Variants in SLC23A2 observed in about 807,000 individuals in gnomAD.
SLC23A2 encodes Na(+)/L-ascorbic acid transporter 2.
A neutral mutation model predicts 73.3 loss-of-function variants in SLC23A2; 36 were observed. That is an observed-to-expected ratio of 0.49 (90% CI 0.38 to 0.65). The LOEUF is 0.65. Among genes scored for constraint, SLC23A2 ranks in the 30% least tolerant of loss-of-function variants. The pLI is 0.00. For missense variants in SLC23A2, 507 were observed against 841.6 expected (o/e 0.60, Z 4.92); for synonymous variants, 343 against 327.3 (o/e 1.05, Z -0.52).
Position 4,899,568 on chromosome 20 carries a change from T to C in SLC23A2, c.469A>G (p.Thr157Ala), listed in dbSNP as rs750277300. 6 of 1,613,976 alleles carry C rather than the reference T, an allele frequency of 3.7e-6. No individual in the cohort carries two copies. In the African/African-American group the frequency reaches 8.0e-5, roughly 22 times the overall value. ...CVGITTLLQTTFGCRLPLFQA... is the reference protein window; with the variant it reads ...CVGITTLLQTAFGCRLPLFQA... ...CCCCAATCTCACCTGCATCCAAACG[T>C]TGTCTGTAGCAAAGTAGTGATTCCC... Residue 157 changes from threonine to alanine, a missense_variant, in exon 6 of 17, where the codon ACG becomes GCG. This residue lies in a region of SLC23A2 where 217 missense variants were observed against 398.0 expected (regional missense o/e 0.55). Coordinates refer to ENST00000338244, the MANE Select transcript of SLC23A2 (RefSeq NM_005116.6). The surrounding 1 kb of genome is among the most constrained non-coding windows in gnomAD (Gnocchi z 4.9).
intron 2 of SLC23A2, among the ~76,000 whole-genome samples, chr20:4,935,969 G>A (rs866888467): frequency 2.6e-5 from 4 of 151,916 alleles, no homozygotes; most frequent in South Asian, 4.2e-4. Flanking sequence ...TATGTCCTTC[G>A]CCTATTTTCT....
rs1185064868 is a variant in SLC23A2 at position 4,905,975 on chromosome 20, A to G, written c.208-3417T>C. Among the ~76,000 whole-genome samples, 3 of 152,054 alleles carry G rather than the reference A, an allele frequency of 2.0e-5. No homozygotes were observed. In the East Asian group the frequency reaches 5.8e-4, roughly 29 times the overall value. On this transcript the variant is annotated intron_variant, in intron 4 of 16. Transcript: ENST00000338244. ...AGTAGCATGTATTATTCTCTTGTAC[A>G]TTTCTCCTTTTTACTATACTAATGT...
At chr20:4,867,101 T>C (rs1411410674) in intron 13 of SLC23A2, among the ~76,000 whole-genome samples, 1 of 130,780 alleles carries the variant, frequency 7.6e-6, no homozygotes, top group African/African-American at 2.9e-5. Flanking sequence ...AGCTGCTCCC[T>C]GCAGCACTCC....
At chr20:4,973,849 CA>C (rs1244118035) in intron 1 of SLC23A2, among the ~76,000 whole-genome samples, 1 of 152,190 alleles carries the variant, frequency 6.6e-6, no homozygotes, top group Non-Finnish European at 1.5e-5. Flanking sequence ...AATCTGTTCA[CA>C]GTGCTTCTGT....
intron 3 of SLC23A2, among the ~76,000 whole-genome samples, chr20:4,923,216 G>A (rs537070711): frequency 1.4e-5 from 2 of 144,612 alleles, no homozygotes; most frequent in Non-Finnish European, 3.0e-5. Flanking sequence ...AGACCAGCCT[G>A]GGCAATGTAG....
chr20:4,946,940 T>A (rs1221334070), intron 2 of SLC23A2, among the ~76,000 whole-genome samples: 1 of 152,216 alleles, frequency 6.6e-6, no homozygotes, highest in Non-Finnish European at 1.5e-5. Context: ...GTACCTGGTA[T>A]CTTTCAGCAG....
At chr20:4,966,512 G>C (rs1461614094) in intron 2 of SLC23A2, among the ~76,000 whole-genome samples, 1 of 151,936 alleles carries the variant, frequency 6.6e-6, no homozygotes, top group East Asian at 1.9e-4. Context: ...AGACTTCAAA[G>C]GGTTGCTATG....
At chr20:4,858,387 A>C (rs1929821084) in intron 16 of SLC23A2, among the ~76,000 whole-genome samples, 1 of 152,084 alleles carries the variant, frequency 6.6e-6, no homozygotes, top group Non-Finnish European at 1.5e-5. Context: ...CATCAGCCTG[A>C]CTGTTGCATC....
chr20:4,909,978 G>A (rs1028589494), intron 4 of SLC23A2, among the ~76,000 whole-genome samples: 1 of 152,182 alleles, frequency 6.6e-6, no homozygotes, highest in African/African-American at 2.4e-5. Context: ...GCAGCAAAAG[G>A]CCCAGTGGCA....
At chr20:4,958,728 G>A (rs2087332203) in intron 2 of SLC23A2, among the ~76,000 whole-genome samples, 1 of 151,754 alleles carries the variant, frequency 6.6e-6, no homozygotes, top group South Asian at 2.1e-4. Flanking sequence ...GCGCCTGGCT[G>A]AGTAGCTGCA....
At chr20:4,873,286 G>A (rs1891649) in intron 11 of SLC23A2, among the ~76,000 whole-genome samples, 39,539 of 151,992 alleles carry the variant, frequency 0.26, 5,323 homozygotes, top group Middle Eastern at 0.3. Flanking sequence ...AAACCCAGAC[G>A]CCGGGACTAG....
chr20:4,921,027 G>A (rs1932486278), intron 3 of SLC23A2, among the ~76,000 whole-genome samples: 1 of 152,196 alleles, frequency 6.6e-6, no homozygotes, highest in South Asian at 2.1e-4. Flanking sequence ...TGGCTTCACT[G>A]AAACTCAAAA....
In SLC23A2 at chr20:4,938,783, C is replaced by G. The variant is rs144786168; in HGVS notation, c.-154-6067G>C. 3.7e-3 allele frequency among the ~76,000 whole-genome samples: 563 copies of G among 152,300 alleles called. 3 individuals carry two copies. The highest frequency in any genetic ancestry group is 0.013 in the African/African-American group (541 of 41,566). ...ATGGGGCCTATCCAGGCCCCCTTTC[C>G]CAGTCCCTCATGGCCCCTACTGTGG... On this transcript the variant is annotated intron_variant, in intron 2 of 16. Coordinates refer to ENST00000338244, the MANE Select transcript of SLC23A2 (RefSeq NM_005116.6).
At chr20:4,910,526 G>T (rs1264815272) in intron 4 of SLC23A2, among the ~76,000 whole-genome samples, 1 of 152,092 alleles carries the variant, frequency 6.6e-6, no homozygotes, top group Admixed American at 6.5e-5. Context: ...TGCCTCCTGG[G>T]TTCAGGTGAT....
At chr20:4,966,809 T>TACACACACACACAC (rs56931121) in intron 2 of SLC23A2, among the ~76,000 whole-genome samples, 1 of 109,754 alleles carries the variant, frequency 9.1e-6, no homozygotes, top group African/African-American at 3.1e-5. Context: ...TTGATAGTTT[T>TACACACACACACAC]ACACACACAC....
At chr20:4,984,986 A>G (rs2122290426) in intron 1 of SLC23A2, among the ~76,000 whole-genome samples, 1 of 152,082 alleles carries the variant, frequency 6.6e-6, no homozygotes, top group African/African-American at 2.4e-5. Flanking sequence ...AAAATACAAA[A>G]ATTAGCTGGG....
chr20:5,001,815 TG>T (rs1231939159), upstream of SLC23A2, among the ~76,000 whole-genome samples: 1 of 152,078 alleles, frequency 6.6e-6, no homozygotes, highest in Non-Finnish European at 1.5e-5. Context: ...CTGAGTGTCC[TG>T]GTCCAGGTCC....
intron 1 of SLC23A2, among the ~76,000 whole-genome samples, chr20:4,994,092 A>G (rs1000878634): frequency 6.6e-6 from 1 of 152,188 alleles, no homozygotes; most frequent in African/African-American, 2.4e-5. Flanking sequence ...CTCAAAAAAT[A>G]TAGATACATG....
intron 3 of SLC23A2, among the ~76,000 whole-genome samples, chr20:4,931,422 T>C (rs1226446648): frequency 6.6e-6 from 1 of 152,152 alleles, no homozygotes; most frequent in Non-Finnish European, 1.5e-5. Context: ...CATCAGGCTA[T>C]GGGGCATGCC....
Sources: allele counts gnomAD v4.1 joint callset (sites outside exome capture counted in the v4.1 genomes callset), GRCh38; gene constraint gnomAD v4.1.1; regional missense constraint gnomAD v4.1.1; non-coding constraint Gnocchi (gnomAD v3.1); transcripts MANE v1.5; gene names NCBI Gene and HGNC (gene_info 2026-07-23, HGNC 2026-07-21).